Variants in DLEU7 observed in about 807,000 individuals in gnomAD.
DLEU7 encodes the protein deleted in lymphocytic leukemia 7.
In DLEU7, 17 loss-of-function variants were observed where a neutral mutation model predicts 16.0. The observed-to-expected ratio is 1.06, with a 90% confidence interval of 0.73 to 1.59. The LOEUF is 1.59. DLEU7 is among the 40% of genes most tolerant of loss of function. The pLI is 0.00. For missense variants in DLEU7, 308 were observed against 314.9 expected (o/e 0.98, Z 0.17); for synonymous variants, 113 against 139.8 (o/e 0.81, Z 1.35).
intron 1 of DLEU7, among the ~76,000 whole-genome samples, chr13:50,751,254 C>T (rs938621826): frequency 2.6e-5 from 4 of 152,172 alleles, no homozygotes; most frequent in Non-Finnish European, 4.4e-5. Flanking sequence ...ATATGTTAAA[C>T]CATCCCTGCA....
In DLEU7 at chr13:50,727,768, A is replaced by G. The variant is rs1265725350; in HGVS notation, c.460-14528T>C. 5.9e-5 allele frequency among the ~76,000 whole-genome samples: 9 copies of G among 152,138 alleles called. 1 individual carries two copies. Among genetic ancestry groups the G allele is most frequent in the Admixed American group, 5.2e-4 (8 of 15,266 alleles). ...TTTCTCGGACCCTACACTGATCCCC[A>G]TTACACCCTCAAGATGTGCAGAGCT... On this transcript the variant is annotated intron_variant, in intron 1 of 1. Coordinates refer to the DLEU7 transcript ENST00000400393.
chr13:50,786,145 C>G (rs1355393965), intron 1 of DLEU7, among the ~76,000 whole-genome samples: 1 of 152,156 alleles, frequency 6.6e-6, no homozygotes, highest in African/African-American at 2.4e-5. Flanking sequence ...GTTCAAGGTT[C>G]TAGAAAATAC....
At chr13:50,734,273 T>G (rs939144876) in intron 1 of DLEU7, among the ~76,000 whole-genome samples, 13 of 152,308 alleles carry the variant, frequency 8.5e-5, no homozygotes, top group African/African-American at 2.9e-4. Context: ...AAAACGTATG[T>G]TTTAATGTGA....
intron 1 of DLEU7, among the ~76,000 whole-genome samples, chr13:50,839,233 G>C (rs1877571133): frequency 6.6e-6 from 1 of 152,152 alleles, no homozygotes; most frequent in South Asian, 2.1e-4. Context: ...TTAGCTGCAG[G>C]GTCTTGAGCA....
chr13:50,841,051 G>A (rs745561837), intron 1 of DLEU7, among the ~76,000 whole-genome samples: 6 of 152,204 alleles, frequency 3.9e-5, no homozygotes, highest in Non-Finnish European at 7.3e-5. Flanking sequence ...TGCTTCCAGA[G>A]CAGAGGACAC....
intron 1 of DLEU7, among the ~76,000 whole-genome samples, chr13:50,792,392 A>C (rs1875984027): frequency 6.6e-6 from 1 of 152,202 alleles, no homozygotes; most frequent in Non-Finnish European, 1.5e-5. Flanking sequence ...TCTCATAAAC[A>C]TACCTCATAA....
At chr13:50,721,919 T>C (rs1029319291) in intron 1 of DLEU7, among the ~76,000 whole-genome samples, 2 of 152,114 alleles carry the variant, frequency 1.3e-5, no homozygotes, top group Non-Finnish European at 2.9e-5. Context: ...AGGCTGAAAA[T>C]ATAATATTCA....
intron 1 of DLEU7, among the ~76,000 whole-genome samples, chr13:50,842,059 T>C (rs1216939144): frequency 1.3e-5 from 2 of 152,084 alleles, no homozygotes; most frequent in African/African-American, 4.8e-5. Context: ...AAACATCCTC[T>C]AATACACAGG....
intron 1 of DLEU7, among the ~76,000 whole-genome samples, chr13:50,770,256 C>G (rs1875255713): frequency 6.6e-6 from 1 of 151,998 alleles, no homozygotes; most frequent in East Asian, 1.9e-4. Context: ...AATTGAATAC[C>G]CTTAATTTCT....
At chr13:50,832,420 T>C (rs902626364) in intron 1 of DLEU7, among the ~76,000 whole-genome samples, 8 of 152,186 alleles carry the variant, frequency 5.3e-5, no homozygotes, top group Non-Finnish European at 1.0e-4. Flanking sequence ...GTTAATCTTT[T>C]CAAAAAACCA....
chr13:50,724,797 G>A (rs994541321), intron 1 of DLEU7, among the ~76,000 whole-genome samples: 1 of 152,138 alleles, frequency 6.6e-6, no homozygotes, highest in East Asian at 1.9e-4. Flanking sequence ...CCAAACTGCA[G>A]GAGCAGCCAC....
intron 1 of DLEU7, among the ~76,000 whole-genome samples, chr13:50,768,916 T>C (rs1157780715): frequency 1.3e-5 from 2 of 152,194 alleles, no homozygotes; most frequent in Non-Finnish European, 2.9e-5. Context: ...GTAGAAGCGT[T>C]CCTATTTCTC....
rs2137822553 is a variant in DLEU7 at position 50,843,692 on chromosome 13, C to G, written c.-46G>C. 3 of 1,488,076 alleles carry G rather than the reference C, an allele frequency of 2.0e-6. No individual in the cohort carries two copies. In the South Asian group the frequency reaches 3.8e-5, roughly 19 times the overall value. The allele number at this position is 1,488,076 out of a possible 1,614,324, so 92.2% of individuals were successfully genotyped here. A position where few individuals can be genotyped will look rare whatever the true frequency, so the allele number is the denominator to read the frequency against. ...CGCGCTCCGCGTGCAGGTGGAGCAG[C>G]AGCGAGGGAGGCGGGGGCGTTGGGG... On this transcript the variant is annotated 5_prime_UTR_variant, in exon 1 of 2. Transcript: ENST00000504404. The surrounding 1 kb of genome is among the most constrained non-coding windows in gnomAD (Gnocchi z 5.7).
At chr13:50,733,404 T>C (rs1457421142) in intron 1 of DLEU7, among the ~76,000 whole-genome samples, 2 of 152,194 alleles carry the variant, frequency 1.3e-5, no homozygotes, top group Non-Finnish European at 2.9e-5. Flanking sequence ...TCCATACTCT[T>C]TCAGTATTCA....
chr13:50,835,636 C>A (rs1411222652), intron 1 of DLEU7, among the ~76,000 whole-genome samples: 1 of 152,196 alleles, frequency 6.6e-6, no homozygotes, highest in Non-Finnish European at 1.5e-5. Context: ...GTAAAACCAA[C>A]CCTGAGCTAA....
chr13:50,731,783 C>T (rs762731802), intron 1 of DLEU7, among the ~76,000 whole-genome samples: 1 of 152,140 alleles, frequency 6.6e-6, no homozygotes, highest in Admixed American at 6.5e-5. Context: ...TATCTACACA[C>T]CTGAATACAA....
intron 1 of DLEU7, among the ~76,000 whole-genome samples, chr13:50,753,976 A>G (rs1234151445): frequency 6.6e-6 from 1 of 152,156 alleles, no homozygotes; most frequent in Non-Finnish European, 1.5e-5. Context: ...ATGTATTTGC[A>G]TGGTTTTGAA....
chr13:50,778,216 C>A (rs957125793), intron 1 of DLEU7, among the ~76,000 whole-genome samples: 3 of 151,972 alleles, frequency 2.0e-5, no homozygotes, highest in Non-Finnish European at 4.4e-5. Context: ...AGAGAGAGAG[C>A]AAAGGGGGAA....
chr13:50,735,778 G>A (rs1334850674), intron 1 of DLEU7, among the ~76,000 whole-genome samples: 1 of 152,086 alleles, frequency 6.6e-6, no homozygotes, highest in African/African-American at 2.4e-5. Flanking sequence ...CCAATCGTTA[G>A]AGAAACGAAA....
Sources: allele counts gnomAD v4.1 joint callset (sites outside exome capture counted in the v4.1 genomes callset), GRCh38; gene constraint gnomAD v4.1.1; non-coding constraint Gnocchi (gnomAD v3.1); transcripts MANE v1.5; gene names NCBI Gene and HGNC (gene_info 2026-07-23, HGNC 2026-07-21).